The following TSPAN9 variants were observed in gnomAD, a reference collection of about 807,000 sequenced individuals.
TSPAN9 encodes the protein tetraspanin-9.
A neutral mutation model predicts 31.0 loss-of-function variants in TSPAN9; 16 were observed. The observed-to-expected ratio is 0.52, with a 90% CI of 0.35 to 0.78. TSPAN9 has a LOEUF of 0.78. TSPAN9 is among the 30% of genes least tolerant of loss of function. The pLI is 0.01. For missense variants in TSPAN9, 272 were observed against 312.5 expected (o/e 0.87, Z 0.98); for synonymous variants, 145 against 121.6 (o/e 1.19, Z -1.27).
At position 3,281,808 on chromosome 12, in the gene TSPAN9, C is replaced by T; in HGVS notation, c.639C>T (p.Leu213=). The change falls in exon 8 of 9, where the codon CTC becomes CTT. Residue 213 remains leucine, a synonymous_variant. Transcript: ENST00000011898. Reference sequence around the variant, plus strand: ...TGGGCACGGTGGGGATGTGCATCCTCATCATGCAGGTAAGAGGGGCGTCCC... The same window carrying T: ...TGGGCACGGTGGGGATGTGCATCCTTATCATGCAGGTAAGAGGGGCGTCCC... ...HVLGTVGMCI[L]IMQILGMAFS... 1 of 1,614,102 alleles carries T rather than the reference C, an allele frequency of 6.2e-7. No homozygotes were observed. The highest frequency in any genetic ancestry group is 8.5e-7 in the Non-Finnish European group (1 of 1,180,002).
At chr12:3,277,851 T>C (rs1171838232) in intron 3 of TSPAN9, among the ~76,000 whole-genome samples, 1 of 152,224 alleles carries the variant, frequency 6.6e-6, no homozygotes, top group Non-Finnish European at 1.5e-5. Flanking sequence ...GATGACTGCC[T>C]CCTTTCTCCA....
chr12:3,107,865 T>C lies in TSPAN9; in HGVS notation c.-18+24146T>C, dbSNP rs933158610. On this transcript the variant is annotated intron_variant, in intron 2 of 8. Coordinates refer to ENST00000011898, the MANE Select transcript of TSPAN9 (RefSeq NM_006675.5). This position sits in a 1 kb window ranked among gnomAD's most constrained non-coding sequence, Gnocchi z 4.1. Reference sequence around the variant, plus strand: ...AGTTTCAAATGTCAACTGGGACTCTTGTCTCTGTCCAGGCCCCCAAGCCTT... The same window carrying C: ...AGTTTCAAATGTCAACTGGGACTCTCGTCTCTGTCCAGGCCCCCAAGCCTT... 2.0e-5 allele frequency among the ~76,000 whole-genome samples: 3 copies of C among 152,232 alleles called. No homozygotes were observed. Among genetic ancestry groups the C allele is most frequent in the Non-Finnish European group, 4.4e-5 (3 of 68,048 alleles).
chr12:3,269,618 A>G (rs1007532520), intron 3 of TSPAN9, among the ~76,000 whole-genome samples: 11 of 150,496 alleles, frequency 7.3e-5, no homozygotes, highest in Admixed American at 7.3e-4. Context: ...CTGCATAGGG[A>G]TGGGAGACAG....
intron 1 of TSPAN9, among the ~76,000 whole-genome samples, chr12:3,078,015 G>GT (rs1486258667): frequency 2.0e-5 from 3 of 152,138 alleles, no homozygotes; most frequent in Non-Finnish European, 4.4e-5. Flanking sequence ...CTTTCTTGTG[G>GT]TTTTTAAAAA....
At chr12:3,118,344 C>A (rs2098323554) in intron 2 of TSPAN9, among the ~76,000 whole-genome samples, 1 of 138,276 alleles carries the variant, frequency 7.2e-6, no homozygotes, top group African/African-American at 2.7e-5. Context: ...CTCGTGCAAC[C>A]TCTGCCTCCT....
At chr12:3,213,722 C>T (rs560692265) in intron 3 of TSPAN9, among the ~76,000 whole-genome samples, 2 of 152,248 alleles carry the variant, frequency 1.3e-5, no homozygotes, top group African/African-American at 2.4e-5. Flanking sequence ...AAAGCCACTC[C>T]GTAGAGGGCT....
chr12:3,245,395 G>A (rs1862102959), intron 3 of TSPAN9, among the ~76,000 whole-genome samples: 2 of 152,252 alleles, frequency 1.3e-5, no homozygotes, highest in East Asian at 1.9e-4. Flanking sequence ...CTTGCCGAGG[G>A]AGAGAAATGG....
chr12:3,143,813 C>T lies in TSPAN9; in HGVS notation c.-17-57364C>T, dbSNP rs970609880. Among the ~76,000 whole-genome samples, 9 of 152,082 alleles carry T rather than the reference C, an allele frequency of 5.9e-5. No individual in the cohort carries two copies. The highest frequency in any genetic ancestry group is 2.0e-4 in the Admixed American group (3 of 15,270). Reference sequence around the variant, plus strand: ...CCTTACTTTCTGGCACAAGATGCTCCGGGTCGTGTTATGTTTCTCCTGCCC... The same window carrying T: ...CCTTACTTTCTGGCACAAGATGCTCTGGGTCGTGTTATGTTTCTCCTGCCC... On this transcript the variant is annotated intron_variant, in intron 2 of 8. Transcript: ENST00000011898. The surrounding 1 kb of genome is among the most constrained non-coding windows in gnomAD (Gnocchi z 4.2).
At chr12:3,156,590 C>A (rs1338005183) in intron 2 of TSPAN9, among the ~76,000 whole-genome samples, 2 of 152,116 alleles carry the variant, frequency 1.3e-5, no homozygotes, top group African/African-American at 4.8e-5. Flanking sequence ...CAACCTCCCC[C>A]TCCCAGATTC....
intron 2 of TSPAN9, among the ~76,000 whole-genome samples, chr12:3,140,239 T>C (rs866066751): frequency 8.5e-5 from 13 of 152,252 alleles, no homozygotes; most frequent in Middle Eastern, 3.4e-3. Context: ...CATTTTATGT[T>C]GTTTAGTGTT....
chr12:3,283,117 G>A lies in TSPAN9; in HGVS notation c.*1G>A, dbSNP rs1862931248. ...GACTGGTAAGAAGTACGACGCATGA[G>A]CGGGCTGGCCGGGAGTGCCCACCCC... On this transcript the variant is annotated 3_prime_UTR_variant, in exon 9 of 9. Coordinates refer to ENST00000011898, the MANE Select transcript of TSPAN9 (RefSeq NM_006675.5). 6.2e-7 allele frequency: 1 copy of A among 1,608,072 alleles called. No individual in the cohort carries two copies.
intron 3 of TSPAN9, among the ~76,000 whole-genome samples, chr12:3,247,637 A>G (rs981037209): frequency 2.6e-5 from 4 of 152,120 alleles, no homozygotes; most frequent in African/African-American, 9.7e-5. Context: ...CTTCACGTCC[A>G]TTGTCATCTC....
intron 2 of TSPAN9, among the ~76,000 whole-genome samples, chr12:3,122,107 A>G (rs1397598098): frequency 1.3e-5 from 2 of 152,156 alleles, no homozygotes; most frequent in South Asian, 2.1e-4. Flanking sequence ...AGGCCGAGGC[A>G]GGCAGATCAC....
intron 3 of TSPAN9, among the ~76,000 whole-genome samples, chr12:3,271,773 C>G (rs1442181224): frequency 6.6e-6 from 1 of 152,146 alleles, no homozygotes; most frequent in Non-Finnish European, 1.5e-5. Context: ...CTGCCTCTCC[C>G]TTTATGGCTG....
At chr12:3,273,259 T>C (rs1426746753) in intron 3 of TSPAN9, 2 of 152,256 alleles carry the variant, frequency 1.3e-5, no homozygotes, top group Non-Finnish European at 2.9e-5. Context: ...AAGGATGGGA[T>C]TCGTCTTCTC....
chr12:3,118,255 C>CGTTT (rs2098323354), intron 2 of TSPAN9, among the ~76,000 whole-genome samples: 1 of 20,116 alleles, frequency 5.0e-5, no homozygotes, highest in African/African-American at 9.7e-5. Flanking sequence ...CTGCACCCGC[C>CGTTT]GTTTTTTTTT....
chr12:3,263,649 G>A (rs1405488774), intron 3 of TSPAN9, among the ~76,000 whole-genome samples: 1 of 152,224 alleles, frequency 6.6e-6, no homozygotes, highest in African/African-American at 2.4e-5. Context: ...GGGCCTCTCT[G>A]TGCCCAGCAT....
intron 2 of TSPAN9, among the ~76,000 whole-genome samples, chr12:3,150,565 G>A (rs1396547709): frequency 2.0e-5 from 3 of 152,128 alleles, no homozygotes; most frequent in African/African-American, 7.2e-5. Context: ...TAGAGATATG[G>A]TATGGTTGGC....
intron 3 of TSPAN9, among the ~76,000 whole-genome samples, chr12:3,256,301 C>T (rs1341671137): frequency 2.6e-5 from 4 of 152,216 alleles, no homozygotes; most frequent in African/African-American, 2.4e-5. Flanking sequence ...GGCCGGGCCC[C>T]GCTGAGCGCA....
Sources: allele counts gnomAD v4.1 joint callset (sites outside exome capture counted in the v4.1 genomes callset), GRCh38; gene constraint gnomAD v4.1.1; non-coding constraint Gnocchi (gnomAD v3.1); transcripts MANE v1.5; gene names NCBI Gene and HGNC (gene_info 2026-07-23, HGNC 2026-07-21).